The following CYP4F11 variants were observed in gnomAD, a reference collection of about 807,000 sequenced individuals.
CYP4F11 encodes cytochrome P450 family 4 subfamily F member 11.
Under a neutral mutation model 62.2 loss-of-function variants are expected in CYP4F11, and 79 were observed. The observed-to-expected ratio is 1.27, with a 90% CI of 1.06 to 1.53. The LOEUF is 1.53. Ranked by LOEUF, CYP4F11 falls within the 40% of genes most tolerant of loss-of-function variation. The pLI is 0.00. For synonymous variants in CYP4F11, 290 were observed against 263.7 expected, an observed-to-expected ratio of 1.10 and a Z score of -0.97; for missense variants, 777 against 680.5, an observed-to-expected ratio of 1.14 and a Z score of -1.58.
At chr19:15,920,669 C>A (rs1387902730) in intron 8 of CYP4F11, among the ~76,000 whole-genome samples, 2 of 152,150 alleles carry the variant, frequency 1.3e-5, no homozygotes, top group Non-Finnish European at 2.9e-5. Context: ...GAATGTCCTT[C>A]CCTGGGACTT....
chr19:15,926,990 A>C (rs967597837), intron 4 of CYP4F11, among the ~76,000 whole-genome samples: 7 of 152,230 alleles, frequency 4.6e-5, no homozygotes, highest in African/African-American at 1.7e-4. Context: ...CTGTGAGAGA[A>C]GCATGGAAAC....
intron 8 of CYP4F11, among the ~76,000 whole-genome samples, chr19:15,916,178 T>A (rs1194319442): frequency 3.9e-5 from 6 of 152,164 alleles, no homozygotes; most frequent in Non-Finnish European, 8.8e-5. Flanking sequence ...TATTATGATG[T>A]TACCTGTTTT....
At chr19:15,934,171 G>A in intron 1 of CYP4F11, 40 bp downstream of exon 1, 1 of 1,600,910 alleles carries the variant, frequency 6.2e-7, no homozygotes, top group South Asian at 1.1e-5. Context: ...GGAACTCCAT[G>A]CATCCTGAGA....
chr19:15,916,081 C>T (rs1263213104), intron 8 of CYP4F11, among the ~76,000 whole-genome samples: 2 of 152,032 alleles, frequency 1.3e-5, no homozygotes, highest in Non-Finnish European at 2.9e-5. Flanking sequence ...CATATGATAT[C>T]TAGGCAAATA....
intron 4 of CYP4F11, among the ~76,000 whole-genome samples, chr19:15,926,579 G>A (rs576255044): frequency 6.6e-6 from 1 of 152,300 alleles, no homozygotes; most frequent in Admixed American, 6.5e-5. Context: ...TTGAAACATT[G>A]CAGAGAAAAT....
At chr19:15,930,333 G>C (rs1328707041) in intron 1 of CYP4F11, among the ~76,000 whole-genome samples, 2 of 152,288 alleles carry the variant, frequency 1.3e-5, no homozygotes, top group Non-Finnish European at 2.9e-5. Context: ...GCTCATGCCT[G>C]TAATCCCAGC....
chr19:15,917,660 C>T (rs1291349647), intron 8 of CYP4F11, among the ~76,000 whole-genome samples: 3 of 151,670 alleles, frequency 2.0e-5, no homozygotes, highest in Non-Finnish European at 4.4e-5. Flanking sequence ...AAAAGTGTCC[C>T]CAAGAAGTCA....
In CYP4F11 at chr19:15,913,843, G is replaced by A; in HGVS notation, c.1464C>T (p.His488=). 1 of 1,614,168 alleles carries A rather than the reference G, an allele frequency of 6.2e-7. No homozygotes were observed. Among genetic ancestry groups the A allele is most frequent in the East Asian group, 2.2e-5 (1 of 44,874 alleles). The change falls in exon 12 of 12, where the codon CAC becomes CAT. Residue 488 remains histidine, a synonymous_variant. Coordinates refer to ENST00000402119, the MANE Select transcript of CYP4F11 (RefSeq NM_021187.4). The stretch of plus-strand genomic sequence containing the variant: ...CAGTGTGGGTCGGCAGGATGCGGAA[G>A]TGCAGCAGGGTGAGCGCCAGGACCA... ...MKVVLALTLL[H]FRILPTHTEP... is the part of the protein sequence containing the mutation.
Position 15,924,798 on chromosome 19 carries a change from G to A in CYP4F11, c.610C>T (p.Gln204Ter), listed in dbSNP as rs558038754. ...CTTTCAAAGCTGAAGACACATTTCT[G>A]CAGACTGTCCAAGGTCATGAGGCTG... ...HISLMTLDSL[Q>*]KCVFSFESNC... Residue 204 changes from glutamine to a stop codon, truncating the protein, a stop_gained, in exon 5 of 12, where the codon CAG (glutamine) becomes TAG (stop). Coordinates refer to ENST00000402119, the MANE Select transcript of CYP4F11 (RefSeq NM_021187.4). LOFTEE classifies it high-confidence loss of function. 6 of 1,612,652 alleles carry A rather than the reference G, an allele frequency of 3.7e-6. No homozygotes were observed. Among genetic ancestry groups the A allele is most frequent in the Non-Finnish European group, 5.1e-6 (6 of 1,179,200 alleles).
intron 4 of CYP4F11, among the ~76,000 whole-genome samples, chr19:15,925,584 A>C (rs986854601): frequency 2.0e-5 from 3 of 151,958 alleles, no homozygotes. Context: ...TAAAACCTGG[A>C]TGACGGGTTG....
At position 15,914,590 on chromosome 19, in the gene CYP4F11, G is replaced by A. The variant is rs1238728839; in HGVS notation, c.1314+12C>T. On this transcript the variant is annotated intron_variant, in intron 10 of 11. Coordinates refer to ENST00000402119, the MANE Select transcript of CYP4F11 (RefSeq NM_021187.4). ...ATGGACTCCAAAAAGGGTGGGGTGA[G>A]GGAGGCACTACCTCAGGGTCTGGCC... The A allele has an allele frequency of 1.2e-6, 2 of 1,614,112 alleles. No homozygotes were observed. Among genetic ancestry groups the A allele is most frequent in the Non-Finnish European group, 1.7e-6 (2 of 1,179,954 alleles).
rs2089761528 is a variant in CYP4F11, at chr19:15,934,419, AGACGG to A, written c.-16_-12del. 1 of 1,611,980 alleles carries A rather than the reference AGACGG, an allele frequency of 6.2e-7. No homozygotes were observed. ...GCTCAGCTGCGGCATCCTGCAGGGC[AGACGG>A]GATGGAGGGTGGGATCCTGAGGCCC... On this transcript the variant is annotated 5_prime_UTR_variant, in exon 1 of 12. Coordinates refer to ENST00000402119, the MANE Select transcript of CYP4F11 (RefSeq NM_021187.4).
At chr19:15,927,161 G>T (rs1000552517) in intron 4 of CYP4F11, 51 bp downstream of exon 4, 2 of 1,593,282 alleles carry the variant, frequency 1.3e-6, no homozygotes, top group Non-Finnish European at 1.7e-6. Flanking sequence ...ATATGCCTGT[G>T]GTCCCTCTAC....
intron 2 of CYP4F11, among the ~76,000 whole-genome samples, chr19:15,928,779 C>T (rs1017810755): frequency 6.6e-6 from 1 of 152,174 alleles, no homozygotes; most frequent in African/African-American, 2.4e-5. Context: ...GGGGTGGGAT[C>T]TCCTACTGGA....
Position 15,914,754 on chromosome 19 carries a change from G to C in CYP4F11, c.1249+8C>G. The stretch of plus-strand genomic sequence containing the variant: ...CCAGGAGGCTCCTCCCCCTGAGGCT[G>C]TGAGCACCTTTGGGGATGACGCGGC... On this transcript the variant is annotated splice_region_variant and intron_variant, in intron 9 of 11. Coordinates refer to ENST00000402119, the MANE Select transcript of CYP4F11 (RefSeq NM_021187.4). 1 of 1,614,102 alleles carries C rather than the reference G, an allele frequency of 6.2e-7. No homozygotes were observed. The highest frequency in any genetic ancestry group is 8.5e-7 in the Non-Finnish European group (1 of 1,179,936).
rs745588446 is a variant in CYP4F11, at chr19:15,913,531, C to T, written c.*201G>A. ...GGCTCTGGGAGAACCCACTAAGGGC[C>T]TAGATGCCCTGTGCTCAGCCAGAGA... On this transcript the variant is annotated 3_prime_UTR_variant, in exon 12 of 12. Coordinates refer to ENST00000402119, the MANE Select transcript of CYP4F11 (RefSeq NM_021187.4). 1.6e-6 allele frequency: 1 copy of T among 636,404 alleles called. No homozygotes were observed. Among genetic ancestry groups the T allele is most frequent in the Non-Finnish European group, 2.7e-6 (1 of 372,584 alleles). The allele number at this position is 636,404 out of a possible 1,614,324, so 39.4% of individuals were successfully genotyped here.
chr19:15,922,517 T>A lies in CYP4F11; in HGVS notation c.919-87A>T, dbSNP rs149676785. The A allele has an allele frequency of 1.4e-4, 198 of 1,413,064 alleles. 1 individual carries two copies. The African/African-American group carries it at 2.2e-3, about 16-fold the overall frequency. The allele number at this position is 1,413,064 out of a possible 1,614,324, so 87.5% of individuals were successfully genotyped here. A position where few individuals can be genotyped will look rare whatever the true frequency, so the allele number is the denominator to read the frequency against. On this transcript the variant is annotated intron_variant, in intron 6 of 11. Coordinates refer to ENST00000402119, the MANE Select transcript of CYP4F11 (RefSeq NM_021187.4). ...TCAAACCTAAGATAATTTCTGAAGA[T>A]CCATCCTCCTTCCAGAAACCCAAGC...
chr19:15,913,564 A>T lies in CYP4F11; in HGVS notation c.*168T>A. ...CCTGTGCTCAGCCAGAGAGGCCGTC[A>T]GGGTTTTGGGTTCAGAGACGTCACC... On this transcript the variant is annotated 3_prime_UTR_variant, in exon 12 of 12. Transcript: ENST00000402119. 3 of 796,090 alleles carry T rather than the reference A, an allele frequency of 3.8e-6. No individual in the cohort carries two copies. The highest frequency in any genetic ancestry group is 5.9e-6 in the Non-Finnish European group (3 of 506,612). 49.3% of individuals were successfully genotyped at this position (796,090 alleles called of 1,614,324 possible).
chr19:15,929,544 G>C lies in CYP4F11; in HGVS notation c.256C>G (p.Gln86Glu). Reference sequence around the variant, plus strand: ...GGACCCAGCCACAACTTAAAGCCCTGGGGATATGTGGTCACCAGCTGGGTC... The same window carrying C: ...GGACCCAGCCACAACTTAAAGCCCTCGGGATATGTGGTCACCAGCTGGGTC... ...TLTQLVTTYP[Q>E]GFKLWLGPTF... is the part of the protein sequence containing the mutation. Residue 86 changes from glutamine (Q) to glutamate (E), a missense_variant, in exon 2 of 12, where the codon CAG (glutamine) becomes GAG (glutamate). Coordinates refer to ENST00000402119, the MANE Select transcript of CYP4F11 (RefSeq NM_021187.4). 6.2e-7 allele frequency: 1 copy of C among 1,613,938 alleles called. No homozygotes were observed. The highest frequency in any genetic ancestry group is 8.5e-7 in the Non-Finnish European group (1 of 1,179,880).
Sources: allele counts gnomAD v4.1 joint callset (sites outside exome capture counted in the v4.1 genomes callset), GRCh38; gene constraint gnomAD v4.1.1; transcripts MANE v1.5; gene names NCBI Gene and HGNC (gene_info 2026-07-23, HGNC 2026-07-21).